The following ADAMTS17 variants were observed in gnomAD, a reference collection of about 807,000 sequenced individuals.
ADAMTS17 encodes the protein A disintegrin and metalloproteinase with thrombospondin motifs 17.
ADAMTS17 carries 113 observed loss-of-function variants against 141.5 expected under a neutral mutation model. That is an observed-to-expected ratio of 0.80 (90% CI 0.69 to 0.93). The LOEUF (loss-of-function observed/expected upper bound fraction) is 0.93, where lower values mean the gene tolerates loss of function less well. Among genes scored for constraint, ADAMTS17 ranks in the 40% least tolerant of loss-of-function variants. The pLI is 0.00. For missense variants in ADAMTS17, 1,659 were observed against 1,517.9 expected, an observed-to-expected ratio of 1.09 and a Z score of -1.54; for synonymous variants, 768 against 630.6, an observed-to-expected ratio of 1.22 and a Z score of -3.27.
At chr15:100,238,394 C>A (rs1013006750) in intron 7 of ADAMTS17, among the ~76,000 whole-genome samples, 1 of 152,212 alleles carries the variant, frequency 6.6e-6, no homozygotes, top group Non-Finnish European at 1.5e-5. Context: ...AGAGCAACGG[C>A]CTTTGTTTGG....
intron 18 of ADAMTS17, among the ~76,000 whole-genome samples, chr15:100,025,811 G>C (rs563767724): frequency 3.3e-5 from 5 of 152,162 alleles, no homozygotes; most frequent in Non-Finnish European, 7.4e-5. Flanking sequence ...TATAATTACT[G>C]TGTATATTTT....
At chr15:100,314,978 A>T (rs1238200373) in intron 3 of ADAMTS17, among the ~76,000 whole-genome samples, 1 of 152,222 alleles carries the variant, frequency 6.6e-6, no homozygotes, top group African/African-American at 2.4e-5. Context: ...TGAAGGAGGC[A>T]CAAGGAGTGA....
At chr15:100,240,339 T>C (rs1415526442) in intron 7 of ADAMTS17, among the ~76,000 whole-genome samples, 2 of 152,220 alleles carry the variant, frequency 1.3e-5, no homozygotes, top group Admixed American at 6.5e-5. Context: ...TTCAGCAACG[T>C]CAGGAATGTG....
intron 14 of ADAMTS17, among the ~76,000 whole-genome samples, chr15:100,108,198 G>A (rs1231463222): frequency 6.6e-6 from 1 of 151,618 alleles, no homozygotes; most frequent in African/African-American, 2.4e-5. Flanking sequence ...CCGAGACGGA[G>A]TCTTGCTTTG....
chr15:100,304,447 A>G (rs1373337437), intron 3 of ADAMTS17, among the ~76,000 whole-genome samples: 1 of 152,236 alleles, frequency 6.6e-6, no homozygotes, highest in Non-Finnish European at 1.5e-5. Flanking sequence ...ACTACAACAC[A>G]GTAAGCCTTT....
At chr15:100,092,176 C>T (rs1265663834) in intron 15 of ADAMTS17, among the ~76,000 whole-genome samples, 1 of 152,242 alleles carries the variant, frequency 6.6e-6, no homozygotes, top group Non-Finnish European at 1.5e-5. Flanking sequence ...TTACCCCCAG[C>T]AGGCTAGGGT....
intron 15 of ADAMTS17, among the ~76,000 whole-genome samples, chr15:100,070,081 AG>A (rs1226042310): frequency 4.7e-5 from 7 of 150,266 alleles, no homozygotes; most frequent in Non-Finnish European, 1.0e-4. Context: ...AAAAAAAGGC[AG>A]GGGTTGCAAT....
chr15:100,175,817 T>G (rs1489980621), intron 8 of ADAMTS17, among the ~76,000 whole-genome samples: 1 of 152,070 alleles, frequency 6.6e-6, no homozygotes, highest in African/African-American at 2.4e-5. Flanking sequence ...GCTTGTTGCT[T>G]GGCAAGATTC....
At chr15:100,173,064 G>A (rs999222220) in intron 8 of ADAMTS17, among the ~76,000 whole-genome samples, 11 of 152,162 alleles carry the variant, frequency 7.2e-5, no homozygotes, top group Non-Finnish European at 1.5e-4. Context: ...GTGGGGAGAT[G>A]GATGAGGATT....
At chr15:100,257,987 A>G (rs74830783) in intron 6 of ADAMTS17, among the ~76,000 whole-genome samples, 3,207 of 152,298 alleles carry the variant, frequency 0.021, 113 homozygotes, top group African/African-American at 0.073. Context: ...GGTACCTCAC[A>G]TAAGTGGAAT....
Position 100,226,345 on chromosome 15 carries a change from A to G in ADAMTS17, c.1076-26922T>C, listed in dbSNP as rs138408556. On this transcript the variant is annotated intron_variant, in intron 7 of 21. Transcript: ENST00000268070. ...CATGACATGAGTTACGCCTCCAAAGATAAGCAGGAGTCAGCCGGGGGAAAA... is the reference window on the plus strand; with the variant it reads ...CATGACATGAGTTACGCCTCCAAAGGTAAGCAGGAGTCAGCCGGGGGAAAA... Among the ~76,000 whole-genome samples the G allele has an allele frequency of 2.8e-3, 424 of 152,380 alleles. 2 individuals carry two copies. In the Middle Eastern group the frequency reaches 0.037, roughly 13 times the overall value.
chr15:100,102,586 T>G (rs141435318), intron 14 of ADAMTS17, among the ~76,000 whole-genome samples: 43 of 148,188 alleles, frequency 2.9e-4, no homozygotes, highest in Non-Finnish European at 4.7e-4. Flanking sequence ...TTTGAAGGCC[T>G]ACTGAAGGAG....
Position 100,322,205 on chromosome 15 carries a change from A to T in ADAMTS17, c.616+8684T>A, listed in dbSNP as rs543946142. Among the ~76,000 whole-genome samples the T allele has an allele frequency of 7.9e-5, 12 of 152,316 alleles. No homozygotes were observed. The South Asian group carries it at 1.9e-3, about 24-fold the overall frequency. ...TGCAGAAGGGGTAACGCTCCAACAG[A>T]AAGCTTGCAGCCCCTGTGATCTGAA... On this transcript the variant is annotated intron_variant, in intron 3 of 21. Coordinates refer to ENST00000268070, the MANE Select transcript of ADAMTS17 (RefSeq NM_139057.4).
intron 21 of ADAMTS17, 129 bp downstream of exon 21, chr15:99,975,916 G>A: frequency 2.9e-6 from 3 of 1,051,460 alleles, no homozygotes; most frequent in Non-Finnish European, 4.1e-6. Flanking sequence ...ACTGACAAAT[G>A]TCAGCCTTAT....
intron 3 of ADAMTS17, among the ~76,000 whole-genome samples, chr15:100,315,522 G>C (rs2045537712): frequency 6.6e-6 from 1 of 152,180 alleles, no homozygotes; most frequent in Non-Finnish European, 1.5e-5. Flanking sequence ...CCCTAGATAA[G>C]AGGGCACGTT....
intron 8 of ADAMTS17, among the ~76,000 whole-genome samples, chr15:100,188,227 C>T (rs1327409454): frequency 1.3e-5 from 2 of 152,060 alleles, no homozygotes; most frequent in African/African-American, 2.4e-5. Flanking sequence ...CAGGCATGCA[C>T]CACCATGCCC....
At chr15:100,225,836 T>C (rs561126951) in intron 7 of ADAMTS17, among the ~76,000 whole-genome samples, 44 of 146,572 alleles carry the variant, frequency 3.0e-4, no homozygotes, top group Non-Finnish European at 3.7e-4. Context: ...ACGGTCTCTG[T>C]GCCATTCAGT....
intron 2 of ADAMTS17, among the ~76,000 whole-genome samples, chr15:100,340,613 T>C (rs1206227080): frequency 6.6e-6 from 1 of 151,994 alleles, no homozygotes; most frequent in African/African-American, 2.4e-5. Flanking sequence ...CACCTCCAAG[T>C]CCAAGAACAT....
At chr15:100,086,110 T>G (rs1303485432) in intron 15 of ADAMTS17, among the ~76,000 whole-genome samples, 2 of 152,060 alleles carry the variant, frequency 1.3e-5, no homozygotes, top group Non-Finnish European at 2.9e-5. Flanking sequence ...CCACCTCATG[T>G]GCAGAGACAC....
Sources: allele counts gnomAD v4.1 joint callset (sites outside exome capture counted in the v4.1 genomes callset), GRCh38; gene constraint gnomAD v4.1.1; transcripts MANE v1.5; gene names NCBI Gene and HGNC (gene_info 2026-07-23, HGNC 2026-07-21).